ENPP3: variants seen among roughly 807,000 people sequenced by gnomAD.
The protein encoded by ENPP3 is ectonucleotide pyrophosphatase/phosphodiesterase family member 3.
In ENPP3, 104 loss-of-function variants were observed where a neutral mutation model predicts 117.8. That is an observed-to-expected ratio of 0.88 (90% CI 0.75 to 1.04). The LOEUF (loss-of-function observed/expected upper bound fraction) is 1.04, where lower values mean the gene tolerates loss of function less well. Among genes scored for constraint, ENPP3 ranks in the 50% least tolerant of loss-of-function variants. The pLI, the probability that ENPP3 is intolerant of heterozygous loss-of-function variation, is 0.00. For synonymous variants in ENPP3, 380 were observed against 349.9 expected, an observed-to-expected ratio of 1.09 and a Z score of -0.96; for missense variants, 1,026 against 1,051.9, an observed-to-expected ratio of 0.98 and a Z score of 0.34.
At chr6:131,734,899 CAAAA>C (rs59698316) in intron 21 of ENPP3, among the ~76,000 whole-genome samples, 1 of 82,642 alleles carries the variant, frequency 1.2e-5, no homozygotes, top group Non-Finnish European at 2.9e-5. Flanking sequence ...GACTCTGTCT[CAAAA>C]AAAAAAAAAA....
In ENPP3 at chr6:131,707,862, CA is replaced by C. The variant is rs959024533; in HGVS notation, c.1413-10802del. ...TCTTGCCAGGTGTTTCGTCAGCACT[CA>C]AAAAAAATATGTGTATTCTGCTGTT... On this transcript the variant is annotated intron_variant, in intron 15 of 24. Coordinates refer to ENST00000357639, the MANE Select transcript of ENPP3 (RefSeq NM_005021.5). Among the ~76,000 whole-genome samples the C allele has an allele frequency of 5.2e-4, 68 of 130,134 alleles. 21 individuals are homozygous for C. The highest frequency in any genetic ancestry group is 2.2e-3 in the African/African-American group (62 of 27,924). The allele number at this position is 130,134 out of a possible 152,430, so 85.4% of individuals were successfully genotyped here. A position where few individuals can be genotyped will look rare whatever the true frequency, so the allele number is the denominator to read the frequency against.
At chr6:131,733,445 T>C in intron 20 of ENPP3, 143 bp from the exon 21 acceptor site, 1 of 807,196 alleles carries the variant, frequency 1.2e-6, no homozygotes, top group South Asian at 2.4e-5. Context: ...AAGACATCCA[T>C]TCTCATTGCT....
rs761891627 is a variant in ENPP3, at chr6:131,740,184, TATA to T, written c.2301-35_2301-33del. The T allele has an allele frequency of 3.4e-6, 5 of 1,482,348 alleles. No homozygotes were observed. The African/African-American group carries it at 5.7e-5, about 17-fold the overall frequency. 91.8% of individuals were successfully genotyped at this position (1,482,348 alleles called of 1,614,324 possible). A position where few individuals can be genotyped will look rare whatever the true frequency, so the allele number is the denominator to read the frequency against. On this transcript the variant is annotated intron_variant, in intron 23 of 24. Coordinates refer to ENST00000357639, the MANE Select transcript of ENPP3 (RefSeq NM_005021.5). Reference sequence around the variant, plus strand: ...CACTTATCACCTTTAGAAACAAAAGTATAATAACATCAAAACATGTTTTCAATT... The same window carrying T: ...CACTTATCACCTTTAGAAACAAAAGTATAACATCAAAACATGTTTTCAATT...
At chr6:131,655,717 C>T (rs2114328390) in intron 5 of ENPP3, among the ~76,000 whole-genome samples, 1 of 152,296 alleles carries the variant, frequency 6.6e-6, no homozygotes, top group African/African-American at 2.4e-5. Context: ...ATGGCCTTCT[C>T]CAAACTGGCA....
chr6:131,645,373 T>C (rs1778133775), intron 2 of ENPP3, among the ~76,000 whole-genome samples: 1 of 152,372 alleles, frequency 6.6e-6, no homozygotes. Context: ...CTCTAATTTT[T>C]GGCAGTGTGC....
At chr6:131,659,160 A>T (rs1778446708) in intron 6 of ENPP3, among the ~76,000 whole-genome samples, 1 of 152,212 alleles carries the variant, frequency 6.6e-6, no homozygotes, top group African/African-American at 2.4e-5. Flanking sequence ...AATAAAGAGA[A>T]GTTGAGGCTG....
chr6:131,715,753 C>T (rs188590499), intron 15 of ENPP3, among the ~76,000 whole-genome samples: 272 of 152,310 alleles, frequency 1.8e-3, no homozygotes, highest in African/African-American at 5.8e-3. Flanking sequence ...CGAGGCACGC[C>T]GCTGGACACT....
intron 15 of ENPP3, among the ~76,000 whole-genome samples, chr6:131,694,841 C>T (rs1053593966): frequency 1.0e-5 from 1 of 97,540 alleles, no homozygotes; most frequent in African/African-American, 3.2e-5. Flanking sequence ...TTGATTCCAT[C>T]AAAAAAAAAA....
chr6:131,650,232 T>C, intron 3 of ENPP3, 83 bp downstream of exon 3: 1 of 1,485,902 alleles, frequency 6.7e-7, no homozygotes, highest in Non-Finnish European at 9.3e-7. Flanking sequence ...TTCTTTCCTT[T>C]TTTTTGAGAC....
At chr6:131,675,256 C>A in intron 9 of ENPP3, 67 bp downstream of exon 9, 1 of 1,067,392 alleles carries the variant, frequency 9.4e-7, no homozygotes, top group South Asian at 1.3e-5. Flanking sequence ...CTGTCTTAAT[C>A]TTGGTGGCAA....
At chr6:131,652,006 C>T (rs562736641) in intron 3 of ENPP3, among the ~76,000 whole-genome samples, 14 of 152,374 alleles carry the variant, frequency 9.2e-5, no homozygotes, top group Non-Finnish European at 2.1e-4. Context: ...TTTATTGAAA[C>T]TGTTCTCATC....
intron 21 of ENPP3, among the ~76,000 whole-genome samples, chr6:131,735,437 G>A (rs1169210298): frequency 6.6e-6 from 1 of 151,890 alleles, no homozygotes; most frequent in Non-Finnish European, 1.5e-5. Flanking sequence ...TTGTCTTTTG[G>A]TGCCTACTTA....
At chr6:131,645,448 T>C (rs1778135577) in intron 2 of ENPP3, among the ~76,000 whole-genome samples, 2 of 152,220 alleles carry the variant, frequency 1.3e-5, no homozygotes, top group Non-Finnish European at 2.9e-5. Context: ...CTCTAATCCA[T>C]GTTGGTTGCT....
chr6:131,696,790 A>T (rs3778569), intron 15 of ENPP3, among the ~76,000 whole-genome samples: 1 of 142,998 alleles, frequency 7.0e-6, no homozygotes, highest in African/African-American at 2.7e-5. Context: ...TTTTTTTTGA[A>T]ATGGAGTCTC....
chr6:131,689,494 TG>T (rs1436914354), intron 14 of ENPP3, among the ~76,000 whole-genome samples: 2 of 152,156 alleles, frequency 1.3e-5, no homozygotes, highest in Non-Finnish European at 2.9e-5. Flanking sequence ...ATCCGTTTCC[TG>T]AATATTTTAA....
intron 11 of ENPP3, among the ~76,000 whole-genome samples, chr6:131,678,907 C>CTTTCTTTCTT (rs1335245559): frequency 2.6e-4 from 19 of 71,762 alleles, no homozygotes; most frequent in Non-Finnish European, 4.7e-4. Context: ...CTTTCTTTCT[C>CTTTCTTTCTT]TCTTTCTTTC....
At chr6:131,649,856 A>G (rs1778225391) in intron 2 of ENPP3, among the ~76,000 whole-genome samples, 171 bp from the exon 3 acceptor site, 1 of 152,156 alleles carries the variant, frequency 6.6e-6, no homozygotes, top group Admixed American at 6.5e-5. Context: ...GCACCTGGCC[A>G]TATCAGTGTC....
intron 14 of ENPP3, among the ~76,000 whole-genome samples, chr6:131,687,054 A>G (rs751307128): frequency 2.0e-5 from 3 of 152,146 alleles, no homozygotes; most frequent in Non-Finnish European, 4.4e-5. Flanking sequence ...GCTGGGTAGA[A>G]TGGTATCTCT....
intron 12 of ENPP3, among the ~76,000 whole-genome samples, 167 bp from the exon 13 acceptor site, chr6:131,685,197 T>A (rs536421154): frequency 6.6e-6 from 1 of 152,342 alleles, no homozygotes; most frequent in Admixed American, 6.5e-5. Context: ...CCTTCTCCAC[T>A]GCCACAATTT....
Sources: gnomAD v4.1 joint callset for allele counts (sites outside exome capture counted in the v4.1 genomes callset) on GRCh38, gnomAD v4.1.1 for gene constraint, MANE v1.5 for transcripts, NCBI Gene and HGNC (gene_info 2026-07-23, HGNC 2026-07-21) for gene names.